Variants in LHCGR observed in about 807,000 individuals in gnomAD.
The protein encoded by LHCGR is luteinizing hormone/choriogonadotropin receptor, also known as lutropin-choriogonadotropic hormone receptor.
In LHCGR, 55 loss-of-function variants were observed where a neutral mutation model predicts 60.7. That is an observed-to-expected ratio of 0.91 (90% CI 0.73 to 1.13). The LOEUF (loss-of-function observed/expected upper bound fraction) is 1.13, where lower values mean the gene tolerates loss of function less well. Among genes scored for constraint, LHCGR ranks in the 50% most tolerant of loss-of-function variants. LHCGR has a pLI of 0.00. For missense variants in LHCGR, 862 were observed against 836.0 expected, an observed-to-expected ratio of 1.03 and a Z score of -0.38; for synonymous variants, 337 against 316.5, an observed-to-expected ratio of 1.06 and a Z score of -0.69.
rs186662078 is a variant in LHCGR at position 48,696,516 on chromosome 2, G to C, written c.866+2099C>G. ...TCAGAAAATTGAATTGTAACACACA[G>C]AAAGCAGGTAAAACATGAATGTATA... On this transcript the variant is annotated intron_variant, in intron 9 of 10. Transcript: ENST00000294954. 4.6e-5 allele frequency among the ~76,000 whole-genome samples: 7 copies of C among 152,234 alleles called. No individual in the cohort carries two copies. In the East Asian group the frequency reaches 1.3e-3, roughly 29 times the overall value.
At chr2:48,708,609 A>G (rs1376940518) in intron 8 of LHCGR, among the ~76,000 whole-genome samples, 4 of 152,042 alleles carry the variant, frequency 2.6e-5, no homozygotes, top group Non-Finnish European at 5.9e-5. Flanking sequence ...TGAAGACTGG[A>G]ATTATGCTGC....
intron 10 of LHCGR, among the ~76,000 whole-genome samples, chr2:48,689,625 G>A (rs1462672848): frequency 6.6e-6 from 1 of 152,198 alleles, no homozygotes; most frequent in African/African-American, 2.4e-5. Context: ...GGAGGCTTAA[G>A]AGGTACTTTG....
At chr2:48,737,931 C>G (rs565710471) in intron 1 of LHCGR, among the ~76,000 whole-genome samples, 3 of 152,332 alleles carry the variant, frequency 2.0e-5, no homozygotes, top group African/African-American at 7.2e-5. Flanking sequence ...CATGGCAATT[C>G]AGAGGCAGAT....
At position 48,687,636 on chromosome 2, in the gene LHCGR, A is replaced by G; in HGVS notation, c.*61T>C. The G allele has an allele frequency of 3.0e-6, 4 of 1,354,910 alleles. No individual in the cohort carries two copies. The highest frequency in any genetic ancestry group is 2.4e-5 in the South Asian group (2 of 85,030). 83.9% of individuals were successfully genotyped at this position (1,354,910 alleles called of 1,614,324 possible). A position where few individuals can be genotyped will look rare whatever the true frequency, so the allele number is the denominator to read the frequency against. On this transcript the variant is annotated 3_prime_UTR_variant, in exon 11 of 11. Transcript: ENST00000294954. ...AACCCTTTATGTTAAAATTACTGGT[A>G]CAGGTAATTTTTTTTTACAGGTTTA...
chr2:48,741,954 G>A lies in LHCGR; in HGVS notation c.162-10656C>T, dbSNP rs538184019. Among the ~76,000 whole-genome samples, 13 of 152,206 alleles carry A rather than the reference G, an allele frequency of 8.5e-5. No homozygotes were observed. In the South Asian group the frequency reaches 1.2e-3, roughly 15 times the overall value. Reference sequence around the variant, plus strand: ...GCTGTATTCAGGAAACCCATGTCACGTGCAGAGACACACATAGGTTCAAAA... The same window carrying A: ...GCTGTATTCAGGAAACCCATGTCACATGCAGAGACACACATAGGTTCAAAA... On this transcript the variant is annotated intron_variant, in intron 1 of 10. Coordinates refer to ENST00000294954, the MANE Select transcript of LHCGR (RefSeq NM_000233.4).
intron 1 of LHCGR, among the ~76,000 whole-genome samples, chr2:48,751,151 G>A (rs1669938607): frequency 6.6e-6 from 1 of 152,166 alleles, no homozygotes; most frequent in Non-Finnish European, 1.5e-5. Flanking sequence ...AGGCTTCATG[G>A]GGAAGTGACT....
chr2:48,701,829 A>G (rs1227484714), intron 8 of LHCGR, among the ~76,000 whole-genome samples: 3 of 152,232 alleles, frequency 2.0e-5, no homozygotes, highest in African/African-American at 7.2e-5. Flanking sequence ...ACGGATGAAT[A>G]AACAAACAAA....
chr2:48,739,882 G>T (rs190765835), intron 1 of LHCGR, among the ~76,000 whole-genome samples: 3 of 152,134 alleles, frequency 2.0e-5, no homozygotes, highest in African/African-American at 4.8e-5. Context: ...AGCTCCCAGC[G>T]TGAGCAACGC....
At chr2:48,694,112 T>C in intron 10 of LHCGR, 112 bp downstream of exon 10, 1 of 749,320 alleles carries the variant, frequency 1.3e-6, no homozygotes, top group Non-Finnish European at 2.3e-6. Context: ...AAAGTTGCTT[T>C]GCAACAGCTC....
intron 10 of LHCGR, among the ~76,000 whole-genome samples, chr2:48,692,863 T>C (rs1666922500): frequency 6.6e-6 from 1 of 152,218 alleles, no homozygotes; most frequent in East Asian, 1.9e-4. Context: ...ATGCTCTTTT[T>C]ACTTAGATTT....
At chr2:48,690,792 G>A (rs1680194443) in intron 10 of LHCGR, among the ~76,000 whole-genome samples, 1 of 152,148 alleles carries the variant, frequency 6.6e-6, no homozygotes, top group Non-Finnish European at 1.5e-5. Flanking sequence ...AAAACCTATT[G>A]CAATTAAGTG....
intron 7 of LHCGR, among the ~76,000 whole-genome samples, chr2:48,709,567 G>C (rs1428436743): frequency 6.6e-6 from 1 of 152,186 alleles, no homozygotes; most frequent in African/African-American, 2.4e-5. Flanking sequence ...AGAAAGAGGA[G>C]GACTTACAGC....
Position 48,731,210 on chromosome 2 carries a change from T to C in LHCGR, c.233+17A>G. On this transcript the variant is annotated intron_variant, in intron 2 of 10. Coordinates refer to ENST00000294954, the MANE Select transcript of LHCGR (RefSeq NM_000233.4). ...TTCCAATTACGAATGTCTTTTGATATGCAGTAACTTACTTACATTTTTATG... is the reference window on the plus strand; with the variant it reads ...TTCCAATTACGAATGTCTTTTGATACGCAGTAACTTACTTACATTTTTATG... 2.0e-6 allele frequency: 3 copies of C among 1,529,576 alleles called. No individual in the cohort carries two copies. Among genetic ancestry groups the C allele is most frequent in the Non-Finnish European group, 1.8e-6 (2 of 1,104,138 alleles). 94.8% of individuals were successfully genotyped at this position (1,529,576 alleles called of 1,614,324 possible). A position where few individuals can be genotyped will look rare whatever the true frequency, so the allele number is the denominator to read the frequency against.
intron 1 of LHCGR, among the ~76,000 whole-genome samples, chr2:48,755,259 T>C (rs748272345): frequency 1.3e-5 from 2 of 151,908 alleles, no homozygotes; most frequent in Non-Finnish European, 2.9e-5. Context: ...CCTGAATAGT[T>C]CTACTCCCCC....
At chr2:48,754,173 A>G (rs531139604) in intron 1 of LHCGR, among the ~76,000 whole-genome samples, 1 of 152,198 alleles carries the variant, frequency 6.6e-6, no homozygotes, top group Non-Finnish European at 1.5e-5. Flanking sequence ...ATTAATGGAA[A>G]CTAATTAATA....
intron 8 of LHCGR, among the ~76,000 whole-genome samples, chr2:48,703,317 C>T (rs1293170845): frequency 6.6e-6 from 1 of 152,128 alleles, no homozygotes; most frequent in African/African-American, 2.4e-5. Context: ...GTTGCCATTG[C>T]TTTTGGTGTT....
Position 48,755,603 on chromosome 2 carries a change from T to C in LHCGR, c.69A>G (p.Arg23=), listed in dbSNP as rs753103537. ...LLLLLQPPLP[R]ALREALCPEP... ...CAGGGCAGAGCGCCTCGCGCAGCGC[T>C]CGTGGCAGCGGCGGCTGCAGCAGCA... The change falls in exon 1 of 11, where the codon CGA becomes CGG. Residue 23 remains arginine (R), a synonymous_variant. Transcript: ENST00000294954. The C allele has an allele frequency of 6.5e-7, 1 of 1,534,920 alleles. No individual in the cohort carries two copies. Among genetic ancestry groups the C allele is most frequent in the South Asian group, 1.2e-5 (1 of 83,830 alleles).
intron 1 of LHCGR, among the ~76,000 whole-genome samples, chr2:48,743,398 A>G (rs1255667298): frequency 6.6e-6 from 1 of 152,186 alleles, no homozygotes; most frequent in Non-Finnish European, 1.5e-5. Context: ...CAAAAGAGAG[A>G]ATTTTAGACC....
intron 7 of LHCGR, among the ~76,000 whole-genome samples, chr2:48,713,496 T>C (rs989970232): frequency 3.6e-4 from 55 of 152,038 alleles, no homozygotes; most frequent in African/African-American, 1.3e-3. Context: ...GGGTAGGGTG[T>C]GGTGAAAACA....
Sources: allele counts gnomAD v4.1 joint callset (sites outside exome capture counted in the v4.1 genomes callset), GRCh38; gene constraint gnomAD v4.1.1; transcripts MANE v1.5; gene names NCBI Gene and HGNC (gene_info 2026-07-23, HGNC 2026-07-21).